The following C9orf85 variants were observed in gnomAD, a reference collection of about 807,000 sequenced individuals.
C9orf85 encodes the protein chromosome 9 open reading frame 85, also known as uncharacterized protein C9orf85.
C9orf85 carries 16 observed loss-of-function variants against 14.9 expected under a neutral mutation model. The ratio of observed to expected loss-of-function variants is 1.08; its 90% CI spans 0.73 to 1.63. The LOEUF is 1.63. Ranked by LOEUF, C9orf85 falls within the 40% of genes most tolerant of loss-of-function variation. The pLI is 0.00. For synonymous variants in C9orf85, 45 were observed against 56.8 expected, an observed-to-expected ratio of 0.79 and a Z score of 0.93; for missense variants, 172 against 186.1, an observed-to-expected ratio of 0.92 and a Z score of 0.44.
At chr9:71,927,325 C>A (rs923101280) in intron 1 of C9orf85, among the ~76,000 whole-genome samples, 1 of 147,886 alleles carries the variant, frequency 6.8e-6, no homozygotes, top group Non-Finnish European at 1.5e-5. Flanking sequence ...TAAAAAGATG[C>A]GAGAGAAGAA....
chr9:71,975,540 A>AT, downstream of C9orf85, among the ~76,000 whole-genome samples: 1 of 152,166 alleles, frequency 6.6e-6, no homozygotes, highest in South Asian at 2.1e-4. Flanking sequence ...ACTGAAAGAA[A>AT]TGTTCTGTCC....
downstream of C9orf85, among the ~76,000 whole-genome samples, chr9:71,977,428 T>C (rs1319350600): frequency 6.6e-6 from 1 of 152,214 alleles, no homozygotes; most frequent in African/African-American, 2.4e-5. Context: ...GCTTATCAAT[T>C]TGGTTGTTTG....
chr9:71,927,110 T>G (rs957045785), intron 1 of C9orf85, among the ~76,000 whole-genome samples: 1 of 152,020 alleles, frequency 6.6e-6, no homozygotes, highest in Non-Finnish European at 1.5e-5. Flanking sequence ...AAAGCAACTG[T>G]AAGTAGGCAT....
At chr9:71,984,247 A>G (rs1823161512), downstream of C9orf85, 1 of 152,176 alleles carries the variant, frequency 6.6e-6, no homozygotes, top group Non-Finnish European at 1.5e-5. Flanking sequence ...AAGTCTTTGC[A>G]TATGTCCTTA....
intron 1 of C9orf85, among the ~76,000 whole-genome samples, chr9:71,929,215 A>G (rs1032141588): frequency 1.3e-5 from 2 of 152,164 alleles, no homozygotes; most frequent in Non-Finnish European, 2.9e-5. Flanking sequence ...TTATGTTTGT[A>G]AGACTTAACT....
intron 1 of C9orf85, among the ~76,000 whole-genome samples, chr9:71,925,829 AC>A (rs1235933440): frequency 6.6e-6 from 1 of 152,258 alleles, no homozygotes; most frequent in Non-Finnish European, 1.5e-5. Flanking sequence ...AATTAAGATA[AC>A]TAAAGATATG....
chr9:71,924,563 T>C (rs1827888216), intron 1 of C9orf85, among the ~76,000 whole-genome samples: 1 of 152,180 alleles, frequency 6.6e-6, no homozygotes, highest in South Asian at 2.1e-4. Context: ...AGACCCAGTT[T>C]TGGAGGTCAG....
At chr9:71,934,657 C>G (rs1034423614) in intron 1 of C9orf85, among the ~76,000 whole-genome samples, 3 of 151,842 alleles carry the variant, frequency 2.0e-5, no homozygotes, top group African/African-American at 7.3e-5. Context: ...TCACTTGAGC[C>G]CAGGAGTTTG....
intron 2 of C9orf85, among the ~76,000 whole-genome samples, chr9:71,958,266 ATT>A (rs10531647): frequency 0.92 from 129,369 of 140,360 alleles, 60,409 homozygotes; most frequent in East Asian, 1. Context: ...ATATATATAA[ATT>A]TTTTTTTTTT....
chr9:71,940,296 C>T (rs557310739), intron 1 of C9orf85, among the ~76,000 whole-genome samples: 185 of 152,040 alleles, frequency 1.2e-3, no homozygotes, highest in Admixed American at 2.8e-3. Flanking sequence ...GGGCCAGGCA[C>T]AGTGGTTTAT....
intron 1 of C9orf85, among the ~76,000 whole-genome samples, chr9:71,946,609 A>G (rs1004130906): frequency 6.6e-6 from 1 of 152,104 alleles, no homozygotes; most frequent in African/African-American, 2.4e-5. Flanking sequence ...CCTGGGCAAC[A>G]TGGTGAAACC....
At chr9:71,964,934 T>G (rs997579343) in intron 2 of C9orf85, among the ~76,000 whole-genome samples, 5 of 152,162 alleles carry the variant, frequency 3.3e-5, no homozygotes, top group African/African-American at 1.2e-4. Context: ...ATGGCAAGCC[T>G]TTAGTCCAGT....
At chr9:71,947,144 TG>T in intron 2 of C9orf85, 32 bp downstream of exon 2, 3 of 1,363,520 alleles carry the variant, frequency 2.2e-6, no homozygotes, top group Non-Finnish European at 3.1e-6. Flanking sequence ...CCTTACTTGG[TG>T]GTATATGTAT....
At position 71,947,075 on chromosome 9, in the gene C9orf85, T is replaced by C; in HGVS notation, c.172T>C (p.Tyr58His). Residue 58 changes from tyrosine to histidine, a missense_variant, in exon 2 of 4, where the codon TAC becomes CAC. Tyr to His is a moderately conservative substitution (Grantham distance 83, BLOSUM62 2). Transcript: ENST00000334731. ...AGAAGTTCTTGAGTGGCGTGTAAAA[T>C]ACAGCAAATACAAACCATTATCAAA... The part of the protein sequence containing the change: ...CKEVLEWRVK[Y>H]SKYKPLSKPK... 1 of 1,613,304 alleles carries C rather than the reference T, an allele frequency of 6.2e-7. No homozygotes were observed. The highest frequency in any genetic ancestry group is 8.5e-7 in the Non-Finnish European group (1 of 1,179,514).
In C9orf85 at chr9:71,913,267, T is replaced by C. The variant is rs80242981; in HGVS notation, c.102+1431T>C. 9.1e-3 allele frequency among the ~76,000 whole-genome samples: 1,381 copies of C among 151,716 alleles called. 20 individuals carry two copies. Among genetic ancestry groups the C allele is most frequent in the African/African-American group, 0.031 (1,280 of 40,998 alleles). Reference sequence around the variant, plus strand: ...TGTGATCTCCTTTTCCTTTCCTCTTTCTTTCTTTGCTTATTCTACAAATAT... The same window carrying C: ...TGTGATCTCCTTTTCCTTTCCTCTTCCTTTCTTTGCTTATTCTACAAATAT... On this transcript the variant is annotated intron_variant, in intron 1 of 3. Coordinates refer to ENST00000334731, the MANE Select transcript of C9orf85 (RefSeq NM_182505.5).
At chr9:71,975,365 C>T (rs1206387192), downstream of C9orf85, among the ~76,000 whole-genome samples, 2 of 150,016 alleles carry the variant, frequency 1.3e-5, no homozygotes, top group African/African-American at 2.5e-5. Context: ...CGCTTGAACC[C>T]GGTAAGCAAA....
At chr9:71,926,330 A>C (rs1827928521) in intron 1 of C9orf85, among the ~76,000 whole-genome samples, 1 of 152,220 alleles carries the variant, frequency 6.6e-6, no homozygotes, top group South Asian at 2.1e-4. Context: ...CAACCAGCAC[A>C]ACTGGGGAAT....
intron 1 of C9orf85, among the ~76,000 whole-genome samples, chr9:71,914,328 ATT>A (rs546012682): frequency 1.4e-5 from 2 of 144,792 alleles, no homozygotes; most frequent in African/African-American, 5.2e-5. Flanking sequence ...TTTTTTTGTG[ATT>A]TTTTTTTTTT....
intron 2 of C9orf85, among the ~76,000 whole-genome samples, chr9:71,963,328 G>T (rs1379765861): frequency 6.6e-6 from 1 of 152,152 alleles, no homozygotes; most frequent in East Asian, 1.9e-4. Context: ...CCACTTCCAA[G>T]ATGGCGGTGT....
Sources: allele counts gnomAD v4.1 joint callset (sites outside exome capture counted in the v4.1 genomes callset), GRCh38; gene constraint gnomAD v4.1.1; transcripts MANE v1.5; gene names NCBI Gene and HGNC (gene_info 2026-07-23, HGNC 2026-07-21).